Variants in GLI3 observed in about 807,000 individuals in gnomAD.
GLI3 encodes the protein GLI family zinc finger 3.
In GLI3, 20 loss-of-function variants were observed where a neutral mutation model predicts 100.8. The ratio of observed to expected loss-of-function variants is 0.20; its 90% CI spans 0.14 to 0.29. GLI3 has a LOEUF of 0.29. Among genes scored for constraint, GLI3 ranks in the 10% least tolerant of loss-of-function variants. The probability of loss-of-function intolerance (pLI) is 1.00; values close to 1 mark genes in which losing one functional copy is unlikely to be tolerated. For synonymous variants in GLI3, 938 were observed against 860.5 expected (o/e 1.09, Z -1.58); for missense variants, 2,040 against 2,128.5 (o/e 0.96, Z 0.82).
intron 3 of GLI3, among the ~76,000 whole-genome samples, chr7:42,078,563 A>G (rs952544424): frequency 2.0e-5 from 3 of 152,128 alleles, no homozygotes; most frequent in Non-Finnish European, 4.4e-5. Context: ...GACTCACCGT[A>G]CTTTGTGACT....
intron 2 of GLI3, among the ~76,000 whole-genome samples, chr7:42,207,214 CTGGCA>C (rs1788174174): frequency 6.6e-6 from 1 of 152,216 alleles, no homozygotes; most frequent in Non-Finnish European, 1.5e-5. Flanking sequence ...AGACAGCTAC[CTGGCA>C]GCCAATGTTC....
chr7:42,171,300 C>T (rs536648813), intron 2 of GLI3, among the ~76,000 whole-genome samples: 1 of 152,290 alleles, frequency 6.6e-6, no homozygotes, highest in South Asian at 2.1e-4. Flanking sequence ...CAAGTGAAAA[C>T]TTCAGGATTT....
chr7:42,041,110 C>T (rs1360692478), intron 6 of GLI3, among the ~76,000 whole-genome samples: 1 of 152,170 alleles, frequency 6.6e-6, no homozygotes, highest in Non-Finnish European at 1.5e-5. Context: ...GAAACCCTTA[C>T]GAGCATGATA....
chr7:42,051,354 G>A (rs560436673), intron 4 of GLI3, among the ~76,000 whole-genome samples: 9 of 152,222 alleles, frequency 5.9e-5, no homozygotes, highest in East Asian at 1.9e-4. Context: ...AGATAACCTC[G>A]TGGGAGTCTT....
At chr7:42,229,459 T>TG (rs1788652137) in intron 1 of GLI3, among the ~76,000 whole-genome samples, 1 of 152,208 alleles carries the variant, frequency 6.6e-6, no homozygotes, top group African/African-American at 2.4e-5. Flanking sequence ...ATTACTCCAG[T>TG]GGAAGAAGGT....
intron 3 of GLI3, among the ~76,000 whole-genome samples, chr7:42,119,817 G>C (rs997959970): frequency 1.3e-5 from 2 of 152,164 alleles, no homozygotes; most frequent in Admixed American, 6.5e-5. Context: ...TTGACTAGAA[G>C]CAAGGAAAGT....
chr7:42,074,503 C>G (rs1026550652), intron 4 of GLI3, among the ~76,000 whole-genome samples: 5 of 152,182 alleles, frequency 3.3e-5, no homozygotes, highest in African/African-American at 1.2e-4. Flanking sequence ...AAGCTACATG[C>G]GAGTCTCTGG....
At chr7:42,170,588 G>A (rs1787351514) in intron 2 of GLI3, among the ~76,000 whole-genome samples, 1 of 151,638 alleles carries the variant, frequency 6.6e-6, no homozygotes, top group Non-Finnish European at 1.5e-5. Context: ...ATTTGTAATA[G>A]GGACGAGGTT....
intron 10 of GLI3, among the ~76,000 whole-genome samples, chr7:41,998,081 T>C (rs922298722): frequency 6.6e-6 from 1 of 152,182 alleles, no homozygotes; most frequent in South Asian, 2.1e-4. Flanking sequence ...TTGGTTCACA[T>C]GTTGTCATTA....
chr7:41,966,704 A>T lies in GLI3; in HGVS notation c.2432-63T>A. On this transcript the variant is annotated intron_variant, in intron 14 of 14. Transcript: ENST00000395925. The surrounding 1 kb of genome is among the most constrained non-coding windows in gnomAD (Gnocchi z 5.8). ...ATTCCCTTCGAGCATGACTTACACC[A>T]GGCATGAGCAACCCTTTTCTGTAAA... 1 of 1,547,328 alleles carries T rather than the reference A, an allele frequency of 6.5e-7. No individual in the cohort carries two copies. Among genetic ancestry groups the T allele is most frequent in the Non-Finnish European group, 8.9e-7 (1 of 1,123,504 alleles).
chr7:41,964,152 A>C lies in GLI3; in HGVS notation c.*178T>G. ...ATGGAAGACAGTTTCTCCCTAGAAT[A>C]CTTTAGGGTTTTTCAGAGTCCTTTT... On this transcript the variant is annotated 3_prime_UTR_variant, in exon 15 of 15. Coordinates refer to ENST00000395925, the MANE Select transcript of GLI3 (RefSeq NM_000168.6). 1 of 595,960 alleles carries C rather than the reference A, an allele frequency of 1.7e-6. No individual in the cohort carries two copies. The highest frequency in any genetic ancestry group is 3.0e-6 in the Non-Finnish European group (1 of 337,880). 36.9% of individuals were successfully genotyped at this position (595,960 alleles called of 1,614,324 possible).
At chr7:42,201,945 G>A (rs1164336771) in intron 2 of GLI3, among the ~76,000 whole-genome samples, 1 of 152,000 alleles carries the variant, frequency 6.6e-6, no homozygotes, top group African/African-American at 2.4e-5. Context: ...AGCTGGGCAT[G>A]GTGGCGTGCG....
chr7:42,241,280 A>G (rs1002787226), upstream of GLI3, among the ~76,000 whole-genome samples: 8 of 152,158 alleles, frequency 5.3e-5, no homozygotes, highest in Non-Finnish European at 8.8e-5. Context: ...AATCAATCTG[A>G]GAGTTTGCAT....
chr7:42,020,830 C>T (rs1035033589), intron 10 of GLI3, among the ~76,000 whole-genome samples: 1 of 146,648 alleles, frequency 6.8e-6, no homozygotes, highest in Admixed American at 7.0e-5. Flanking sequence ...GCGGAGCTTG[C>T]AGTGAGCCGA....
upstream of GLI3, among the ~76,000 whole-genome samples, chr7:42,241,567 G>A (rs1241121318): frequency 6.6e-6 from 1 of 152,216 alleles, no homozygotes; most frequent in Non-Finnish European, 1.5e-5. Flanking sequence ...CCAGCTGCCA[G>A]GAAGGAGAAT....
At chr7:42,045,311 G>A in intron 6 of GLI3, 73 bp downstream of exon 6, 1 of 1,362,530 alleles carries the variant, frequency 7.3e-7, no homozygotes, top group Non-Finnish European at 1.1e-6. Context: ...CCTAATCTTT[G>A]TATCTTCTTC....
chr7:42,052,684 A>G (rs1486913095), intron 4 of GLI3, among the ~76,000 whole-genome samples: 1 of 152,214 alleles, frequency 6.6e-6, no homozygotes, highest in Non-Finnish European at 1.5e-5. Context: ...AAACTCAGAA[A>G]AAAAAAAGTC....
chr7:42,188,238 G>A (rs1017119265), intron 2 of GLI3, among the ~76,000 whole-genome samples: 2 of 152,118 alleles, frequency 1.3e-5, no homozygotes, highest in Non-Finnish European at 2.9e-5. Flanking sequence ...GAACTGGAGA[G>A]AGTAAAACCA....
At position 42,076,770 on chromosome 7, in the gene GLI3, G is replaced by A. The variant is rs778060205; in HGVS notation, c.455C>T (p.Pro152Leu). Residue 152 changes from proline to leucine, a missense_variant, in exon 4 of 15, where the codon CCG (proline) becomes CTG (leucine). By Grantham distance (98) the Pro-to-Leu change is moderately conservative (BLOSUM62 -3). Coordinates refer to ENST00000395925, the MANE Select transcript of GLI3 (RefSeq NM_000168.6). ...HEGRYHYDPS[P>L]IPPLHMTSAL... is the part of the protein sequence containing the mutation. Reference sequence around the variant, plus strand: ...TACTTACATATGCAATGGAGGAATCGGAGATGGATCGTAATGGTAACGGCC... The same window carrying A: ...TACTTACATATGCAATGGAGGAATCAGAGATGGATCGTAATGGTAACGGCC... The A allele has an allele frequency of 9.4e-6, 15 of 1,597,258 alleles. No individual in the cohort carries two copies. In the African/African-American group the frequency reaches 1.1e-4, roughly 11 times the overall value.
Sources: gnomAD v4.1 joint callset for allele counts (sites outside exome capture counted in the v4.1 genomes callset) on GRCh38, gnomAD v4.1.1 for gene constraint, Gnocchi (gnomAD v3.1) non-coding constraint, MANE v1.5 for transcripts, NCBI Gene and HGNC (gene_info 2026-07-23, HGNC 2026-07-21) for gene names.